Variants in THSD7A observed in about 807,000 individuals in gnomAD.
THSD7A encodes the protein thrombospondin type 1 domain containing 7A, also known as thrombospondin type-1 domain-containing protein 7A.
THSD7A carries 96 observed loss-of-function variants against 231.3 expected under a neutral mutation model. The observed-to-expected ratio is 0.41, with a 90% confidence interval of 0.35 to 0.49. The LOEUF (loss-of-function observed/expected upper bound fraction) is 0.49. Among genes scored for constraint, THSD7A ranks in the 20% least tolerant of loss-of-function variants. The pLI, the probability that THSD7A is intolerant of heterozygous loss-of-function variation, is 0.05. For missense variants in THSD7A, 2,290 were observed against 2,070.2 expected, an observed-to-expected ratio of 1.11 and a Z score of -2.06; for synonymous variants, 940 against 743.3, an observed-to-expected ratio of 1.26 and a Z score of -4.30.
At chr7:11,536,771 A>C (rs1788932935) in intron 6 of THSD7A, among the ~76,000 whole-genome samples, 2 of 152,132 alleles carry the variant, frequency 1.3e-5, no homozygotes, top group African/African-American at 4.8e-5. Flanking sequence ...ACAATCTATG[A>C]ATATTCTGAA....
intron 1 of THSD7A, among the ~76,000 whole-genome samples, chr7:11,774,490 AC>A (rs1783336534): frequency 9.8e-5 from 1 of 10,252 alleles, no homozygotes; most frequent in African/African-American, 7.7e-4. Flanking sequence ...GCATTCTTAC[AC>A]ACACACACAC....
intron 6 of THSD7A, among the ~76,000 whole-genome samples, chr7:11,530,023 G>A (rs2128318989): frequency 6.6e-6 from 1 of 152,272 alleles, no homozygotes; most frequent in African/African-American, 2.4e-5. Flanking sequence ...AGTCACTGTG[G>A]ATTTAAGGAA....
intron 23 of THSD7A, among the ~76,000 whole-genome samples, chr7:11,392,071 T>C (rs1783004373): frequency 6.6e-6 from 1 of 152,098 alleles, no homozygotes; most frequent in Non-Finnish European, 1.5e-5. Context: ...CAACTTCTTT[T>C]TTTAAGATTT....
At chr7:11,487,783 G>A (rs559126646) in intron 6 of THSD7A, among the ~76,000 whole-genome samples, 10 of 152,184 alleles carry the variant, frequency 6.6e-5, no homozygotes, top group African/African-American at 1.4e-4. Context: ...CATCATGGGG[G>A]AGACCGACAC....
chr7:11,775,826 T>C lies in THSD7A; in HGVS notation c.190+55931A>G, dbSNP rs114502264. On this transcript the variant is annotated intron_variant, in intron 1 of 27. Transcript: ENST00000423059. Reference sequence around the variant, plus strand: ...GTACAATAAAAAATGGTTAAAGTAGTACATTTAGTGTTATGAATATTTTAC... The same window carrying C: ...GTACAATAAAAAATGGTTAAAGTAGCACATTTAGTGTTATGAATATTTTAC... Among the ~76,000 whole-genome samples the C allele has an allele frequency of 6.4e-3, 974 of 152,332 alleles. 5 individuals carry two copies. Among genetic ancestry groups the C allele is most frequent in the African/African-American group, 0.022 (926 of 41,568 alleles).
intron 6 of THSD7A, among the ~76,000 whole-genome samples, chr7:11,532,587 T>C (rs942001707): frequency 6.6e-6 from 1 of 152,152 alleles, no homozygotes; most frequent in African/African-American, 2.4e-5. Context: ...GGTAAGAAGA[T>C]TGTTAGTGAA....
At chr7:11,461,661 C>A (rs1038456303) in intron 10 of THSD7A, among the ~76,000 whole-genome samples, 1 of 152,136 alleles carries the variant, frequency 6.6e-6, no homozygotes, top group African/African-American at 2.4e-5. Flanking sequence ...AATGCTTAGG[C>A]TAGTCTTCTA....
At chr7:11,675,624 C>T (rs1468926499) in intron 1 of THSD7A, among the ~76,000 whole-genome samples, 1 of 152,172 alleles carries the variant, frequency 6.6e-6, no homozygotes, top group East Asian at 1.9e-4. Context: ...AAGTTTTCCT[C>T]TCACAGTGTA....
At position 11,371,930 on chromosome 7, in the gene THSD7A, G is replaced by T. The variant is rs1424468833; in HGVS notation, c.*3864C>A. ...ATTAAAAAATTGGGCATGTTTAGTG[G>T]GAAGTAGGTAAGAATAGCTGTCAAG... On this transcript the variant is annotated 3_prime_UTR_variant, in exon 28 of 28. Transcript: ENST00000423059. 2 of 151,652 alleles carry T rather than the reference G, an allele frequency of 1.3e-5. No homozygotes were observed. Among genetic ancestry groups the T allele is most frequent in the African/African-American group, 2.4e-5 (1 of 41,280 alleles). 9.4% of individuals were successfully genotyped at this position (151,652 alleles called of 1,614,324 possible).
At chr7:11,606,386 T>G (rs1417210467) in intron 2 of THSD7A, among the ~76,000 whole-genome samples, 5 of 152,006 alleles carry the variant, frequency 3.3e-5, no homozygotes, top group African/African-American at 7.2e-5. Flanking sequence ...ACTGGTGGAG[T>G]TGGATGATTG....
intron 1 of THSD7A, among the ~76,000 whole-genome samples, chr7:11,824,348 T>C (rs1414661560): frequency 6.6e-6 from 1 of 152,028 alleles, no homozygotes; most frequent in Non-Finnish European, 1.5e-5. Flanking sequence ...CTAACTCATA[T>C]CAGAGGTCAA....
chr7:11,514,261 T>C (rs1329309629), intron 6 of THSD7A, among the ~76,000 whole-genome samples: 1 of 152,246 alleles, frequency 6.6e-6, no homozygotes, highest in Non-Finnish European at 1.5e-5. Context: ...TTTACTCATT[T>C]ATTGCCTATT....
intron 1 of THSD7A, among the ~76,000 whole-genome samples, chr7:11,745,493 T>C (rs886778661): frequency 6.6e-6 from 1 of 152,002 alleles, no homozygotes; most frequent in Non-Finnish European, 1.5e-5. Context: ...CCTTGCTTTT[T>C]GTGTTTTAGA....
rs555489194 is a variant in THSD7A at position 11,417,133 on chromosome 7, A to T, written c.3537+317T>A. ...TTCATTTTCCCTTTTACCTGGAGGG[A>T]ATCATTATCACCACTGCAGTTTTTA... On this transcript the variant is annotated intron_variant, in intron 17 of 27. Transcript: ENST00000423059. 4.6e-5 allele frequency among the ~76,000 whole-genome samples: 7 copies of T among 152,328 alleles called. No homozygotes were observed. In the South Asian group the frequency reaches 1.0e-3, roughly 23 times the overall value.
rs3086973 is a variant in THSD7A at position 11,425,731 on chromosome 7, TACACACAC to T, written c.3250-910_3250-903del. On this transcript the variant is annotated intron_variant, in intron 15 of 27. Transcript: ENST00000423059. The stretch of plus-strand genomic sequence containing the variant: ...GATAGTCCAACTCTATCCCTTATTT[TACACACAC>T]ACACACACACACACACACACACACA... Among the ~76,000 whole-genome samples the T allele has an allele frequency of 2.0e-3, 286 of 145,798 alleles. 1 individual carries two copies. The highest frequency in any genetic ancestry group is 0.012 in the Admixed American group (174 of 14,552).
intron 1 of THSD7A, among the ~76,000 whole-genome samples, chr7:11,653,148 A>T (rs968513828): frequency 6.6e-6 from 1 of 151,840 alleles, no homozygotes; most frequent in African/African-American, 2.4e-5. Context: ...TTTAACTACC[A>T]TTATTTCAAT....
intron 13 of THSD7A, among the ~76,000 whole-genome samples, chr7:11,435,468 G>A (rs980736688): frequency 5.9e-5 from 9 of 152,050 alleles, no homozygotes; most frequent in Non-Finnish European, 7.4e-5. Context: ...CCACCTTTAA[G>A]ACGAGAGAGA....
At chr7:11,759,787 T>C (rs1226668499) in intron 1 of THSD7A, among the ~76,000 whole-genome samples, 1 of 152,100 alleles carries the variant, frequency 6.6e-6, no homozygotes, top group Non-Finnish European at 1.5e-5. Flanking sequence ...CAGTCTTTCA[T>C]AACAATAGTG....
At position 11,831,777 on chromosome 7, in the gene THSD7A, G is replaced by T; in HGVS notation, c.170C>A (p.Thr57Asn). 1 of 1,480,952 alleles carries T rather than the reference G, an allele frequency of 6.8e-7. No individual in the cohort carries two copies. The highest frequency in any genetic ancestry group is 9.0e-7 in the Non-Finnish European group (1 of 1,112,436). The allele number at this position is 1,480,952 out of a possible 1,614,324, so 91.7% of individuals were successfully genotyped here. ...AAAQGEAEAP[T>N]LYLWKTGPWG... ...CTTACCAGTCTTCCACAGATAGAGG[G>T]TGGGCGCCTCCGCCTCGCCCTGCGC... is the stretch of plus-strand genomic sequence containing the variant. Residue 57 changes from threonine to asparagine, a missense_variant, in exon 1 of 28, where the codon ACC becomes AAC. Physicochemically the swap from Thr to Asn is moderately conservative, Grantham distance 65 (BLOSUM62 0). Coordinates refer to ENST00000423059, the MANE Select transcript of THSD7A (RefSeq NM_015204.3). The surrounding 1 kb of genome is among the most constrained non-coding windows in gnomAD (Gnocchi z 5.0).
Sources: gnomAD v4.1 joint callset for allele counts (sites outside exome capture counted in the v4.1 genomes callset) on GRCh38, gnomAD v4.1.1 for gene constraint, Gnocchi (gnomAD v3.1) non-coding constraint, MANE v1.5 for transcripts, NCBI Gene and HGNC (gene_info 2026-07-23, HGNC 2026-07-21) for gene names.